Variants in RAPGEF2 observed in about 807,000 individuals in gnomAD.
RAPGEF2 encodes the protein Rap guanine nucleotide exchange factor 2.
In RAPGEF2, 54 loss-of-function variants were observed where a neutral mutation model predicts 186.7. That is an observed-to-expected ratio of 0.29 (90% CI 0.23 to 0.36). The LOEUF (loss-of-function observed/expected upper bound fraction) is 0.36, where lower values mean the gene tolerates loss of function less well. Among genes scored for constraint, RAPGEF2 ranks in the 10% least tolerant of loss-of-function variants. The pLI is 1.00. For synonymous variants in RAPGEF2, 712 were observed against 705.9 expected, an observed-to-expected ratio of 1.01 and a Z score of -0.14; for missense variants, 1,532 against 2,045.0, an observed-to-expected ratio of 0.75 and a Z score of 4.84.
At chr4:159,121,930 C>T (rs1285140413) in intron 1 of RAPGEF2, among the ~76,000 whole-genome samples, 5 of 145,766 alleles carry the variant, frequency 3.4e-5, no homozygotes, top group African/African-American at 5.1e-5. Context: ...CCCAGCTACT[C>T]GGGAGGCTGA....
intron 1 of RAPGEF2, among the ~76,000 whole-genome samples, chr4:159,162,182 T>C (rs1258135668): frequency 7.0e-6 from 1 of 142,582 alleles, no homozygotes; most frequent in Non-Finnish European, 1.5e-5. Flanking sequence ...GCCAAGAGTT[T>C]AATACTCGCC....
intron 1 of RAPGEF2, among the ~76,000 whole-genome samples, chr4:159,120,616 GA>G (rs1739569556): frequency 6.6e-6 from 1 of 152,100 alleles, no homozygotes; most frequent in Non-Finnish European, 1.5e-5. Flanking sequence ...TTTCCTATCA[GA>G]AGCTAATGTC....
intron 6 of RAPGEF2, among the ~76,000 whole-genome samples, chr4:159,242,176 A>G (rs1371378869): frequency 1.3e-5 from 2 of 152,088 alleles, no homozygotes; most frequent in East Asian, 3.9e-4. Context: ...TGTTTTTTCA[A>G]GAGCAAAGTC....
Position 159,353,011 on chromosome 4 carries a change from T to C in RAPGEF2, c.4091+101T>C, listed in dbSNP as rs1731422094. On this transcript the variant is annotated intron_variant, in intron 27 of 29. Transcript: ENST00000691494. The surrounding 1 kb of genome is among the most constrained non-coding windows in gnomAD (Gnocchi z 4.3). ...GTTTGTTTTTATTTATTTTACATAA[T>C]GCCTAAGAATTTTTCTGCCATCCCA... 4.4e-6 allele frequency: 5 copies of C among 1,139,382 alleles called. No homozygotes were observed. Among genetic ancestry groups the C allele is most frequent in the African/African-American group, 1.6e-5 (1 of 63,206 alleles). The allele number at this position is 1,139,382 out of a possible 1,614,324, so 70.6% of individuals were successfully genotyped here. A position where few individuals can be genotyped will look rare whatever the true frequency, so the allele number is the denominator to read the frequency against.
Position 159,331,497 on chromosome 4 carries a change from A to G in RAPGEF2, c.1534A>G (p.Thr512Ala). Residue 512 changes from threonine to alanine, a missense_variant, in exon 14 of 30, where the codon ACT (threonine) becomes GCT (alanine). Physicochemically the swap from Thr to Ala is moderately conservative, Grantham distance 58. Coordinates refer to ENST00000691494, the MANE Select transcript of RAPGEF2 (RefSeq NM_001394067.2). ...FNDFEGDPAM[T>A]RFLEEFENNL... ...TGACTTTGAAGGAGATCCTGCAATG[A>G]CTCGATTTTTAGAAGAATTTGAAAA... 6.2e-7 allele frequency: 1 copy of G among 1,613,586 alleles called. No homozygotes were observed. Among genetic ancestry groups the G allele is most frequent in the South Asian group, 1.1e-5 (1 of 91,042 alleles).
intron 3 of RAPGEF2, among the ~76,000 whole-genome samples, chr4:159,206,500 G>A (rs1353237776): frequency 6.6e-6 from 1 of 152,102 alleles, no homozygotes; most frequent in East Asian, 1.9e-4. Flanking sequence ...ATTTGCTGCT[G>A]CTACTACTAA....
chr4:159,195,913 A>G (rs1457465708), intron 3 of RAPGEF2, among the ~76,000 whole-genome samples: 4 of 113,750 alleles, frequency 3.5e-5, no homozygotes, highest in South Asian at 3.0e-4. Context: ...TTCCCCAAGT[A>G]GGCTTAGAGG....
In RAPGEF2 at chr4:159,245,706, T is replaced by C. The variant is rs572166099; in HGVS notation, c.543+1915T>C. Among the ~76,000 whole-genome samples the C allele has an allele frequency of 4.6e-3, 696 of 152,046 alleles. 8 individuals carry two copies. Among genetic ancestry groups the C allele is most frequent in the Non-Finnish European group, 5.4e-3 (366 of 67,882 alleles). On this transcript the variant is annotated intron_variant, in intron 7 of 29. Coordinates refer to ENST00000691494, the MANE Select transcript of RAPGEF2 (RefSeq NM_001394067.2). ...CATTTTAACTTTTACCTTATTGGAG[T>C]GACGTGGGAAGCTGGCACATTCCTC...
rs949401000 is a variant in RAPGEF2, at chr4:159,104,115, GA to G, written c.-47del. ...GGCAGCAGCGGCGCTGGGCCGGGAG[GA>G]GGCCGGCCAGGGTGCGGAGCGGCCC... On this transcript the variant is annotated 5_prime_UTR_variant, in exon 1 of 30. Coordinates refer to ENST00000691494, the MANE Select transcript of RAPGEF2 (RefSeq NM_001394067.2). 1.5e-6 allele frequency: 2 copies of G among 1,321,160 alleles called. No homozygotes were observed. The highest frequency in any genetic ancestry group is 3.1e-5 in the African/African-American group (2 of 65,486). 81.8% of individuals were successfully genotyped at this position (1,321,160 alleles called of 1,614,324 possible).
chr4:159,160,388 T>C (rs1195392738), intron 1 of RAPGEF2, among the ~76,000 whole-genome samples: 3 of 152,242 alleles, frequency 2.0e-5, no homozygotes. Context: ...ACAGTTGATA[T>C]ACTTTGCCTA....
chr4:159,277,127 A>G (rs1283972080), intron 7 of RAPGEF2, among the ~76,000 whole-genome samples: 3 of 143,014 alleles, frequency 2.1e-5, no homozygotes, highest in African/African-American at 7.8e-5. Flanking sequence ...CCTGTGTCCA[A>G]GTGTTCTCAT....
At position 159,289,692 on chromosome 4, in the gene RAPGEF2, A is replaced by G. The variant is rs28461930; in HGVS notation, c.544-14650A>G. ...AGAGAGGGCATTGGATTATTAAATC[A>G]GCAGCTACTGTAAAGGTATTTAAGT... is the stretch of plus-strand genomic sequence containing the variant. On this transcript the variant is annotated intron_variant, in intron 7 of 29. Coordinates refer to ENST00000691494, the MANE Select transcript of RAPGEF2 (RefSeq NM_001394067.2). Among the ~76,000 whole-genome samples the G allele has an allele frequency of 7.0e-3, 1,061 of 152,310 alleles. 11 individuals are homozygous for G. The highest frequency in any genetic ancestry group is 0.024 in the African/African-American group (1,006 of 41,564).
chr4:159,138,903 C>G (rs906907778), intron 1 of RAPGEF2, among the ~76,000 whole-genome samples: 2 of 152,088 alleles, frequency 1.3e-5, no homozygotes, highest in Non-Finnish European at 2.9e-5. Context: ...TTAACTACCA[C>G]GTGAAGGAAA....
At chr4:159,337,224 T>C (rs951584728) in intron 17 of RAPGEF2, among the ~76,000 whole-genome samples, 1 of 152,234 alleles carries the variant, frequency 6.6e-6, no homozygotes, top group Non-Finnish European at 1.5e-5. Context: ...TCTTTGATGC[T>C]AGGAAATGTC....
chr4:159,186,082 T>C (rs1482086898), intron 1 of RAPGEF2, among the ~76,000 whole-genome samples: 8 of 152,028 alleles, frequency 5.3e-5, no homozygotes. Context: ...TCTTTTTTTT[T>C]CTATTTACTG....
chr4:159,211,234 G>A lies in RAPGEF2; in HGVS notation c.281+651G>A, dbSNP rs534395763. Among the ~76,000 whole-genome samples, 338 of 152,152 alleles carry A rather than the reference G, an allele frequency of 2.2e-3. 2 individuals are homozygous for A. Among genetic ancestry groups the A allele is most frequent in the African/African-American group, 7.5e-3 (310 of 41,500 alleles). On this transcript the variant is annotated intron_variant, in intron 4 of 29. Coordinates refer to ENST00000691494, the MANE Select transcript of RAPGEF2 (RefSeq NM_001394067.2). ...CAATCTGACTGGCCTGGGTTGGGGC[G>A]GATGTATTCCTCTGTTCCAACCAGC...
intron 11 of RAPGEF2, chr4:159,327,498 CA>C (rs2111183127): frequency 6.6e-6 from 1 of 152,006 alleles, no homozygotes; most frequent in Non-Finnish European, 1.5e-5. Context: ...ACTAAAAATA[CA>C]AAAAAATTAC....
chr4:159,310,903 T>C (rs1345930811), intron 8 of RAPGEF2, among the ~76,000 whole-genome samples: 2 of 152,196 alleles, frequency 1.3e-5, no homozygotes, highest in African/African-American at 2.4e-5. Context: ...ATAAGTGTTA[T>C]GTTCATAGGC....
At chr4:159,139,696 T>C (rs1742105284) in intron 1 of RAPGEF2, among the ~76,000 whole-genome samples, 1 of 152,216 alleles carries the variant, frequency 6.6e-6, no homozygotes, top group African/African-American at 2.4e-5. Flanking sequence ...TTATCTTTTG[T>C]TAAATGTGGT....
Sources: gnomAD v4.1 joint callset for allele counts (sites outside exome capture counted in the v4.1 genomes callset) on GRCh38, gnomAD v4.1.1 for gene constraint, Gnocchi (gnomAD v3.1) non-coding constraint, MANE v1.5 for transcripts, NCBI Gene and HGNC (gene_info 2026-07-23, HGNC 2026-07-21) for gene names.